UBXN2A: variants seen among roughly 807,000 people sequenced by gnomAD.
The protein encoded by UBXN2A is UBX domain protein 2A, also known as UBX domain-containing protein 2A.
In UBXN2A, 28 loss-of-function variants were observed where a neutral mutation model predicts 28.4. That is an observed-to-expected ratio of 0.99 (90% CI 0.73 to 1.35). The LOEUF (loss-of-function observed/expected upper bound fraction) is 1.35, where lower values mean the gene tolerates loss of function less well. UBXN2A is among the 40% of genes most tolerant of loss of function. The probability of loss-of-function intolerance (pLI) is 0.00; values close to 1 mark genes in which losing one functional copy is unlikely to be tolerated. For missense variants in UBXN2A, 253 were observed against 297.9 expected (o/e 0.85, Z 1.11); for synonymous variants, 97 against 103.6 (o/e 0.94, Z 0.39).
intron 2 of UBXN2A, among the ~76,000 whole-genome samples, chr2:23,966,738 A>G (rs933540218): frequency 7.7e-6 from 1 of 130,450 alleles, no homozygotes; most frequent in African/African-American, 2.9e-5. Flanking sequence ...GGCGTGAGCC[A>G]CCGCGCCCGG....
At chr2:23,964,590 G>T (rs1188626638) in intron 2 of UBXN2A, among the ~76,000 whole-genome samples, 2 of 152,132 alleles carry the variant, frequency 1.3e-5, no homozygotes, top group Admixed American at 6.6e-5. Flanking sequence ...GGTTGCCAGG[G>T]GCTAGGGGAA....
intron 6 of UBXN2A, among the ~76,000 whole-genome samples, chr2:23,986,937 C>T (rs1400294757): frequency 1.3e-5 from 2 of 151,578 alleles, no homozygotes; most frequent in Non-Finnish European, 2.9e-5. Flanking sequence ...GGCTGGGTGT[C>T]GTGGCTCATT....
At chr2:23,994,841 A>G (rs1008108109) in intron 6 of UBXN2A, among the ~76,000 whole-genome samples, 3 of 152,132 alleles carry the variant, frequency 2.0e-5, no homozygotes, top group African/African-American at 7.2e-5. Context: ...TTTTATTAAG[A>G]GTTAGTTGGA....
chr2:23,983,832 C>T lies in UBXN2A; in HGVS notation c.425+799C>T, dbSNP rs575260652. On this transcript the variant is annotated intron_variant, in intron 5 of 6. Coordinates refer to ENST00000309033, the MANE Select transcript of UBXN2A (RefSeq NM_181713.4). ...CTGGGATTACAGGCATACACCACCA[C>T]GCCCAGCCAATTTTTGTATTTTTAG... Among the ~76,000 whole-genome samples, 28 of 152,168 alleles carry T rather than the reference C, an allele frequency of 1.8e-4. No individual in the cohort carries two copies. In the East Asian group the frequency reaches 4.3e-3, roughly 23 times the overall value.
chr2:23,989,819 C>T (rs566701202), intron 6 of UBXN2A, among the ~76,000 whole-genome samples: 1 of 152,196 alleles, frequency 6.6e-6, no homozygotes, highest in South Asian at 2.1e-4. Flanking sequence ...AGGAGGATCA[C>T]CTGTACCCTG....
intron 6 of UBXN2A, among the ~76,000 whole-genome samples, chr2:23,989,306 C>T (rs1328748970): frequency 5.1e-5 from 7 of 137,092 alleles, no homozygotes; most frequent in East Asian, 2.1e-4. Flanking sequence ...GTATTTATTC[C>T]TTTTTTTTTT....
intron 5 of UBXN2A, among the ~76,000 whole-genome samples, chr2:23,983,551 C>T (rs1365489551): frequency 6.6e-6 from 1 of 152,066 alleles, no homozygotes; most frequent in Non-Finnish European, 1.5e-5. Flanking sequence ...ATCATGCAGG[C>T]TTTTTTGTTT....
intron 1 of UBXN2A, chr2:23,944,195 G>A: frequency 6.8e-7 from 1 of 1,480,972 alleles, no homozygotes; most frequent in East Asian, 2.3e-5. Flanking sequence ...ACACAACTAA[G>A]TTTGCACTCG....
chr2:23,981,765 A>G (rs924122755), intron 4 of UBXN2A, among the ~76,000 whole-genome samples: 1 of 151,838 alleles, frequency 6.6e-6, no homozygotes, highest in Non-Finnish European at 1.5e-5. Flanking sequence ...ATGGTGGCCT[A>G]TAGTCCCCGC....
intron 1 of UBXN2A, among the ~76,000 whole-genome samples, chr2:23,940,877 C>T (rs557086082): frequency 1.9e-3 from 129 of 68,708 alleles, no homozygotes; most frequent in Non-Finnish European, 3.4e-3. Context: ...ACCCCGAGCC[C>T]CTGACTCGCC....
intron 1 of UBXN2A, among the ~76,000 whole-genome samples, chr2:23,954,854 C>T (rs1480290778): frequency 6.7e-6 from 1 of 150,184 alleles, no homozygotes. Context: ...AATTCCCTGG[C>T]TCAAGTGATC....
intron 1 of UBXN2A, among the ~76,000 whole-genome samples, chr2:23,949,597 G>A (rs1392432248): frequency 5.3e-5 from 8 of 151,132 alleles, no homozygotes; most frequent in East Asian, 2.0e-4. Context: ...ATTTATAGCC[G>A]GGCGTGGTTG....
At chr2:23,981,303 C>CAA (rs34236089) in intron 4 of UBXN2A, among the ~76,000 whole-genome samples, 10,199 of 69,254 alleles carry the variant, frequency 0.15, 681 homozygotes, top group Middle Eastern at 0.17. Flanking sequence ...CCTGTCTCTA[C>CAA]AAAAAAAAAA....
At chr2:23,979,497 A>G (rs1450451949) in intron 4 of UBXN2A, among the ~76,000 whole-genome samples, 2 of 152,232 alleles carry the variant, frequency 1.3e-5, no homozygotes. Context: ...TAAATTCATC[A>G]TTATAAAATA....
upstream of UBXN2A, among the ~76,000 whole-genome samples, chr2:23,935,770 C>A (rs989061661): frequency 1.6e-4 from 25 of 152,170 alleles, no homozygotes; most frequent in Non-Finnish European, 3.4e-4. Flanking sequence ...ATTGAAAACG[C>A]CAGGCACGGT....
intron 1 of UBXN2A, among the ~76,000 whole-genome samples, chr2:23,953,645 T>A (rs1490292429): frequency 6.6e-6 from 1 of 152,208 alleles, no homozygotes; most frequent in East Asian, 1.9e-4. Flanking sequence ...AATACATTGA[T>A]ATATTTCTGA....
At chr2:23,998,212 CATT>C (rs754939827) in intron 6 of UBXN2A, among the ~76,000 whole-genome samples, 1 of 152,120 alleles carries the variant, frequency 6.6e-6, no homozygotes, top group African/African-American at 2.4e-5. Flanking sequence ...TTGTCATCAT[CATT>C]GATACATGAG....
chr2:23,991,331 A>C (rs965383728), intron 6 of UBXN2A, among the ~76,000 whole-genome samples: 10 of 152,048 alleles, frequency 6.6e-5, no homozygotes, highest in African/African-American at 2.4e-4. Context: ...CCCATTGCCT[A>C]GATTCATGGC....
Position 23,941,942 on chromosome 2 carries a change from T to TG in UBXN2A, c.-15+1300dup, listed in dbSNP as rs564055721. 3.6e-4 allele frequency among the ~76,000 whole-genome samples: 54 copies of TG among 152,112 alleles called. No individual in the cohort carries two copies. In the East Asian group the frequency reaches 9.3e-3, roughly 26 times the overall value. On this transcript the variant is annotated intron_variant, in intron 1 of 6. Transcript: ENST00000309033. ...AAATACAGAAATTAGCTGGGCGTGA[T>TG]GGGGGGCGTCTGTAATCCCAGCTAC...
Sources: gnomAD v4.1 joint callset for allele counts (sites outside exome capture counted in the v4.1 genomes callset) on GRCh38, gnomAD v4.1.1 for gene constraint, MANE v1.5 for transcripts, NCBI Gene and HGNC (gene_info 2026-07-23, HGNC 2026-07-21) for gene names.